The following ACBD7 variants were observed in gnomAD, a reference collection of about 807,000 sequenced individuals.
ACBD7 encodes acyl-CoA binding domain containing 7.
Under a neutral mutation model 13.7 loss-of-function variants are expected in ACBD7, and 11 were observed. That is an observed-to-expected ratio of 0.80 (90% CI 0.50 to 1.33). The LOEUF is 1.33. ACBD7 is among the 40% of genes most tolerant of loss of function. ACBD7 has a pLI of 0.00. For missense variants in ACBD7, 111 were observed against 103.0 expected (o/e 1.08, Z -0.33); for synonymous variants, 43 against 37.7 (o/e 1.14, Z -0.51).
chr10:15,081,918 T>C (rs770939217), intron 1 of ACBD7, among the ~76,000 whole-genome samples: 5 of 152,220 alleles, frequency 3.3e-5, no homozygotes, highest in Non-Finnish European at 7.3e-5. Context: ...GGCTGCTTTA[T>C]ACATAATGCC....
chr10:15,078,824 C>A (rs76311113), intron 2 of ACBD7, 71 bp from the exon 3 acceptor site: 1 of 1,487,258 alleles, frequency 6.7e-7, no homozygotes. Context: ...ATTGTTCAAA[C>A]GGAGTATATT....
chr10:15,086,932 G>A (rs1844815882), intron 1 of ACBD7, among the ~76,000 whole-genome samples: 1 of 150,872 alleles, frequency 6.6e-6, no homozygotes. Flanking sequence ...AGAATCGGTT[G>A]AACCCAGAAG....
chr10:15,082,125 G>A (rs4748141), intron 1 of ACBD7, among the ~76,000 whole-genome samples: 59,820 of 151,694 alleles, frequency 0.39, 13,939 homozygotes, highest in African/African-American at 0.65. Context: ...CGTCTCTACT[G>A]AAAATACAAA....
intron 1 of ACBD7, among the ~76,000 whole-genome samples, chr10:15,081,702 T>C (rs1441116880): frequency 1.3e-5 from 2 of 152,184 alleles, no homozygotes; most frequent in Non-Finnish European, 2.9e-5. Flanking sequence ...GCAGCCGGGC[T>C]CTCAGCTTGG....
At chr10:15,088,087 C>CTG (rs10668961) in intron 1 of ACBD7, among the ~76,000 whole-genome samples, 36,051 of 151,910 alleles carry the variant, frequency 0.24, 6,670 homozygotes, top group African/African-American at 0.52. Context: ...AGGAATAAAA[C>CTG]TATATACACA....
At chr10:15,086,819 C>A (rs1000514913) in intron 1 of ACBD7, among the ~76,000 whole-genome samples, 1 of 151,890 alleles carries the variant, frequency 6.6e-6, no homozygotes, top group Non-Finnish European at 1.5e-5. Context: ...TTTGAGACCA[C>A]CCTGACCAAC....
Position 15,076,098 on chromosome 10 carries a change from CTAGA to C in ACBD7, c.*2428_*2431del. Reference sequence around the variant, plus strand: ...TTCCCTGGAAATTCATCTAGCAGACCTAGATAGTTTTGTTGTTGTAGTAACATGA... The same window carrying C: ...TTCCCTGGAAATTCATCTAGCAGACCTAGTTTTGTTGTTGTAGTAACATGA... On this transcript the variant is annotated 3_prime_UTR_variant, in exon 4 of 4. Coordinates refer to ENST00000356189, the MANE Select transcript of ACBD7 (RefSeq NM_001039844.3). The C allele has an allele frequency of 1.0e-6, 1 of 984,650 alleles. No homozygotes were observed. Among genetic ancestry groups the C allele is most frequent in the Non-Finnish European group, 1.2e-6 (1 of 829,346 alleles). The allele number at this position is 984,650 out of a possible 1,614,324, so 61.0% of individuals were successfully genotyped here.
At chr10:15,079,331 G>A (rs988238358) in intron 1 of ACBD7, among the ~76,000 whole-genome samples, 6 of 145,538 alleles carry the variant, frequency 4.1e-5, no homozygotes, top group African/African-American at 1.5e-4. Flanking sequence ...GTGCAGTGCA[G>A]TGGCACCGTC....
chr10:15,075,663 G>A lies in ACBD7; in HGVS notation c.*2867C>T, dbSNP rs577599538. Among the ~76,000 whole-genome samples the A allele has an allele frequency of 7.2e-5, 11 of 152,090 alleles. No homozygotes were observed. Among genetic ancestry groups the A allele is most frequent in the Admixed American group, 2.0e-4 (3 of 15,254 alleles). ...TGGCAACCACTATTCCATCCTTTGC[G>A]TCTATAAATGTTCCCTTTCAAGAAT... On this transcript the variant is annotated 3_prime_UTR_variant, in exon 4 of 4. Transcript: ENST00000356189.
chr10:15,081,090 A>T (rs1272117807), intron 1 of ACBD7, among the ~76,000 whole-genome samples: 1 of 152,190 alleles, frequency 6.6e-6, no homozygotes, highest in Admixed American at 6.5e-5. Context: ...CCCCAAAGAC[A>T]GGCAGTACTG....
intron 1 of ACBD7, among the ~76,000 whole-genome samples, chr10:15,079,480 G>C (rs1488470316): frequency 6.6e-6 from 1 of 151,716 alleles, no homozygotes; most frequent in East Asian, 1.9e-4. Context: ...TTGTCATGTT[G>C]GCCAGGCTTG....
At chr10:15,080,614 A>C (rs74444614) in intron 1 of ACBD7, among the ~76,000 whole-genome samples, 1,794 of 152,218 alleles carry the variant, frequency 0.012, 43 homozygotes, top group African/African-American at 0.041. Flanking sequence ...GTACTTAAGT[A>C]GTTTAAGCCT....
chr10:15,076,751 C>T lies in ACBD7; in HGVS notation c.*1779G>A. On this transcript the variant is annotated 3_prime_UTR_variant, in exon 4 of 4. Transcript: ENST00000356189. ...ACTTCTGACCTCAGTAATCCACCTACCTCGGCCTCCCAAAGTGCTGAGATT... is the reference window on the plus strand; with the variant it reads ...ACTTCTGACCTCAGTAATCCACCTATCTCGGCCTCCCAAAGTGCTGAGATT... The T allele has an allele frequency of 1.0e-6, 1 of 973,570 alleles. No homozygotes were observed. The allele number at this position is 973,570 out of a possible 1,614,324, so 60.3% of individuals were successfully genotyped here. A position where few individuals can be genotyped will look rare whatever the true frequency, so the allele number is the denominator to read the frequency against.
In ACBD7 at chr10:15,078,420, G is replaced by C; in HGVS notation, c.*110C>G. ...CTAAGTACTACAGCTCATGCTAATAGCAAAAATATACATGATACATCAAGT... is the reference window on the plus strand; with the variant it reads ...CTAAGTACTACAGCTCATGCTAATACCAAAAATATACATGATACATCAAGT... On this transcript the variant is annotated 3_prime_UTR_variant, in exon 4 of 4. Transcript: ENST00000356189. 6.3e-7 allele frequency: 1 copy of C among 1,584,754 alleles called. No homozygotes were observed. Among genetic ancestry groups the C allele is most frequent in the Non-Finnish European group, 8.6e-7 (1 of 1,167,982 alleles).
In ACBD7 at chr10:15,076,809, T is replaced by C. The variant is rs1008602923; in HGVS notation, c.*1721A>G. Reference sequence around the variant, plus strand: ...TGAGCCACCACGCTCAGCCTTGCCATTGATTCTTAATAACCTGTTTTTATT... The same window carrying C: ...TGAGCCACCACGCTCAGCCTTGCCACTGATTCTTAATAACCTGTTTTTATT... On this transcript the variant is annotated 3_prime_UTR_variant, in exon 4 of 4. Coordinates refer to ENST00000356189, the MANE Select transcript of ACBD7 (RefSeq NM_001039844.3). 1.3e-5 allele frequency: 13 copies of C among 985,296 alleles called. No individual in the cohort carries two copies. Among genetic ancestry groups the C allele is most frequent in the African/African-American group, 5.2e-5 (3 of 57,228 alleles). The allele number at this position is 985,296 out of a possible 1,614,324, so 61.0% of individuals were successfully genotyped here.
At chr10:15,087,747 C>T (rs1205348718) in intron 1 of ACBD7, among the ~76,000 whole-genome samples, 1 of 151,284 alleles carries the variant, frequency 6.6e-6, no homozygotes, top group Non-Finnish European at 1.5e-5. Context: ...CACTGCACTC[C>T]AGCCTGGGTG....
chr10:15,088,583 G>A, intron 1 of ACBD7, 134 bp downstream of exon 1: 2 of 1,244,818 alleles, frequency 1.6e-6, no homozygotes, highest in East Asian at 2.9e-5. Context: ...CATCTGGGGC[G>A]CTGGGGAAGG....
intron 1 of ACBD7, among the ~76,000 whole-genome samples, chr10:15,085,160 G>T (rs1844795178): frequency 6.6e-6 from 1 of 152,158 alleles, no homozygotes; most frequent in South Asian, 2.1e-4. Context: ...ATTATCTCCC[G>T]GTCACCCGAG....
chr10:15,076,164 T>C lies in ACBD7; in HGVS notation c.*2366A>G, dbSNP rs1430632473. 2.0e-6 allele frequency: 2 copies of C among 985,220 alleles called. No individual in the cohort carries two copies. Among genetic ancestry groups the C allele is most frequent in the African/African-American group, 3.5e-5 (2 of 57,218 alleles). 61.0% of individuals were successfully genotyped at this position (985,220 alleles called of 1,614,324 possible). ...TCCTCTGGTCATACCATTCCAAATC[T>C]AAATTTTTATGCAGGGAATAGAGGT... On this transcript the variant is annotated 3_prime_UTR_variant, in exon 4 of 4. Transcript: ENST00000356189.
Sources: allele counts gnomAD v4.1 joint callset (sites outside exome capture counted in the v4.1 genomes callset), GRCh38; gene constraint gnomAD v4.1.1; transcripts MANE v1.5; gene names NCBI Gene and HGNC (gene_info 2026-07-23, HGNC 2026-07-21).